Variants in APP observed in about 807,000 individuals in gnomAD.
APP encodes the protein amyloid beta precursor protein.
APP carries 31 observed loss-of-function variants against 101.4 expected under a neutral mutation model. The ratio of observed to expected loss-of-function variants is 0.31; its 90% CI spans 0.23 to 0.41. The LOEUF (loss-of-function observed/expected upper bound fraction) is 0.41. APP is among the 10% of genes least tolerant of loss of function. APP has a pLI of 1.00. For synonymous variants in APP, 366 were observed against 364.4 expected, an observed-to-expected ratio of 1.00 and a Z score of -0.05; for missense variants, 839 against 1,003.7, an observed-to-expected ratio of 0.84 and a Z score of 2.22.
At chr21:26,013,180 G>A (rs548453888) in intron 6 of APP, among the ~76,000 whole-genome samples, 5 of 152,042 alleles carry the variant, frequency 3.3e-5, no homozygotes, top group Non-Finnish European at 5.9e-5. Flanking sequence ...AGCCAGGCGC[G>A]GTTGTGTGCG....
At chr21:26,129,923 T>C (rs2062758457) in intron 1 of APP, among the ~76,000 whole-genome samples, 1 of 152,240 alleles carries the variant, frequency 6.6e-6, no homozygotes, top group African/African-American at 2.4e-5. Flanking sequence ...TTAGAAAATC[T>C]TTACAAAATA....
intron 3 of APP, among the ~76,000 whole-genome samples, chr21:26,076,460 T>G (rs1170675335): frequency 6.6e-6 from 1 of 152,162 alleles, no homozygotes; most frequent in African/African-American, 2.4e-5. Context: ...CACATTGAGT[T>G]TGAAGTTCCT....
intron 13 of APP, among the ~76,000 whole-genome samples, chr21:25,946,968 G>T (rs973054409): frequency 2.0e-5 from 3 of 152,008 alleles, no homozygotes; most frequent in African/African-American, 7.2e-5. Flanking sequence ...TTTTAAAAAA[G>T]GAAACTTTTT....
rs192371028 is a variant in APP at position 26,093,088 on chromosome 21, C to G, written c.226-3016G>C. 2.4e-4 allele frequency among the ~76,000 whole-genome samples: 36 copies of G among 152,268 alleles called. No individual in the cohort carries two copies. In the East Asian group the frequency reaches 6.2e-3, roughly 26 times the overall value. On this transcript the variant is annotated intron_variant, in intron 2 of 17. Transcript: ENST00000346798. Reference sequence around the variant, plus strand: ...ACTTTGTTCTTAAGTATCTTAATATCTCAATGCAGGCACTTTAGATCACAG... The same window carrying G: ...ACTTTGTTCTTAAGTATCTTAATATGTCAATGCAGGCACTTTAGATCACAG...
rs575257963 is a variant in APP, at chr21:26,002,934, G to A, written c.866-2752C>T. Among the ~76,000 whole-genome samples the A allele has an allele frequency of 4.3e-4, 66 of 152,306 alleles. 1 individual carries two copies. Among genetic ancestry groups the A allele is most frequent in the African/African-American group, 1.6e-3 (65 of 41,554 alleles). On this transcript the variant is annotated intron_variant, in intron 6 of 17. Coordinates refer to ENST00000346798, the MANE Select transcript of APP (RefSeq NM_000484.4). ...AGAATTTTGGATGGGTGCAAGTCAA[G>A]TAATGGGATAAAAGAATGATGATCG...
intron 11 of APP, among the ~76,000 whole-genome samples, chr21:25,973,067 C>T (rs1252376640): frequency 6.6e-6 from 1 of 151,660 alleles, no homozygotes; most frequent in African/African-American, 2.4e-5. Context: ...AACTTATAAA[C>T]CCACAAAGGA....
chr21:26,113,672 AG>A (rs2062375685), intron 1 of APP, among the ~76,000 whole-genome samples: 1 of 152,208 alleles, frequency 6.6e-6, no homozygotes. Context: ...ACTCCATCTG[AG>A]CCCCTTGCCA....
At chr21:26,024,650 G>A (rs911351745) in intron 5 of APP, among the ~76,000 whole-genome samples, 1 of 152,164 alleles carries the variant, frequency 6.6e-6, no homozygotes, top group East Asian at 1.9e-4. Context: ...TCAATGGCAG[G>A]AATTCTCTGA....
intron 2 of APP, among the ~76,000 whole-genome samples, chr21:26,093,684 G>T (rs2061875190): frequency 6.6e-6 from 1 of 152,142 alleles, no homozygotes; most frequent in Admixed American, 6.5e-5. Flanking sequence ...TTTATACAGT[G>T]ATCAGCCAAA....
chr21:25,893,569 C>T (rs760993199), intron 16 of APP, among the ~76,000 whole-genome samples: 1 of 152,138 alleles, frequency 6.6e-6, no homozygotes, highest in Non-Finnish European at 1.5e-5. Flanking sequence ...GAAGATCAAA[C>T]CAACCACAAC....
In APP at chr21:26,111,961, C is replaced by T; in HGVS notation, c.225+18G>A. The T allele has an allele frequency of 1.2e-6, 2 of 1,613,876 alleles. No homozygotes were observed. Among genetic ancestry groups the T allele is most frequent in the Non-Finnish European group, 8.5e-7 (1 of 1,179,884 alleles). ...CATGTGATCCAACGTGAATTGCTAG[C>T]CACCGGACAGGACTTACTTCTTGGC... On this transcript the variant is annotated intron_variant, in intron 2 of 17. Coordinates refer to ENST00000346798, the MANE Select transcript of APP (RefSeq NM_000484.4).
intron 3 of APP, among the ~76,000 whole-genome samples, chr21:26,083,504 T>C (rs2061638964): frequency 6.6e-6 from 1 of 152,186 alleles, no homozygotes; most frequent in Non-Finnish European, 1.5e-5. Flanking sequence ...GGAAGCCAAA[T>C]GGTTTTGATT....
chr21:26,160,100 T>C (rs2063460583), intron 1 of APP, among the ~76,000 whole-genome samples: 1 of 152,094 alleles, frequency 6.6e-6, no homozygotes. Flanking sequence ...TCTACTCTGT[T>C]TCAGCCAAAT....
chr21:26,001,203 G>A (rs149426443), intron 6 of APP, among the ~76,000 whole-genome samples: 61 of 152,208 alleles, frequency 4.0e-4, no homozygotes, highest in African/African-American at 1.4e-3. Flanking sequence ...AACATGTCTT[G>A]CCACCCTCCC....
At chr21:26,166,884 G>GAA (rs2063624945) in intron 1 of APP, among the ~76,000 whole-genome samples, 2 of 92,446 alleles carry the variant, frequency 2.2e-5, no homozygotes, top group African/African-American at 1.3e-4. Context: ...GAGAGAGAGA[G>GAA]AGAGAGAGAG....
At chr21:26,093,607 A>G (rs1022916826) in intron 2 of APP, among the ~76,000 whole-genome samples, 1 of 152,224 alleles carries the variant, frequency 6.6e-6, no homozygotes, top group Admixed American at 6.5e-5. Flanking sequence ...CCAAGTAGGT[A>G]GAATTGCAAA....
At chr21:26,083,016 G>A (rs892486966) in intron 3 of APP, among the ~76,000 whole-genome samples, 5 of 152,080 alleles carry the variant, frequency 3.3e-5, no homozygotes, top group Non-Finnish European at 5.9e-5. Flanking sequence ...AATTACAGGC[G>A]CTTTTACTCT....
chr21:25,988,018 G>A (rs1434496503), intron 8 of APP, among the ~76,000 whole-genome samples: 1 of 152,228 alleles, frequency 6.6e-6, no homozygotes, highest in Non-Finnish European at 1.5e-5. Flanking sequence ...AGTTCAGAAG[G>A]ATCGGGAGAG....
intron 11 of APP, among the ~76,000 whole-genome samples, chr21:25,974,000 A>G (rs1301523413): frequency 6.6e-6 from 1 of 151,490 alleles, no homozygotes; most frequent in Non-Finnish European, 1.5e-5. Context: ...TCATGCTCAG[A>G]AAGTTCCTTC....
Sources: gnomAD v4.1 joint callset for allele counts (sites outside exome capture counted in the v4.1 genomes callset) on GRCh38, gnomAD v4.1.1 for gene constraint, MANE v1.5 for transcripts, NCBI Gene and HGNC (gene_info 2026-07-23, HGNC 2026-07-21) for gene names.